The following EVC variants were observed in gnomAD, a reference collection of about 807,000 sequenced individuals.
EVC encodes the protein EvC ciliary complex subunit 1, also known as evC complex member EVC.
A neutral mutation model predicts 118.9 loss-of-function variants in EVC; 116 were observed. The ratio of observed to expected loss-of-function variants is 0.98; its 90% CI spans 0.84 to 1.14. The LOEUF (loss-of-function observed/expected upper bound fraction) is 1.14, where lower values mean the gene tolerates loss of function less well. Among genes scored for constraint, EVC ranks in the 50% most tolerant of loss-of-function variants. EVC has a pLI of 0.00. For synonymous variants in EVC, 619 were observed against 534.7 expected (o/e 1.16, Z -2.18); for missense variants, 1,401 against 1,246.4 (o/e 1.12, Z -1.87).
At chr4:5,735,669 G>T (rs954898070) in intron 5 of EVC, among the ~76,000 whole-genome samples, 2 of 152,184 alleles carry the variant, frequency 1.3e-5, no homozygotes, top group African/African-American at 4.8e-5. Flanking sequence ...AGGAACCTGA[G>T]GTTCAGAGAG....
At chr4:5,821,835 GTCA>G in the EVC span, 2 of 1,592,068 alleles carry the variant, frequency 1.3e-6, no homozygotes, top group Non-Finnish European at 1.7e-6. The surrounding 1 kb of genome is among the most constrained non-coding windows in gnomAD (Gnocchi z 4.4). Context: ...TGGGATTGTT[GTCA>G]TCTATCTGGG....
chr4:5,734,091 G>C (rs949849415), intron 5 of EVC, among the ~76,000 whole-genome samples: 1 of 152,174 alleles, frequency 6.6e-6, no homozygotes, highest in Non-Finnish European at 1.5e-5. Context: ...AATCAGCCAC[G>C]GACCTGAGCT....
At chr4:5,816,681 CCCTCCCT>C (rs1336796763), downstream of EVC, among the ~76,000 whole-genome samples, 15 of 144,072 alleles carry the variant, frequency 1.0e-4, no homozygotes, top group African/African-American at 3.3e-4. Flanking sequence ...TCCCTTCCCT[CCCTCCCT>C]TCCCTTCTCC....
chr4:5,802,090 G>C lies in EVC; in HGVS notation c.2445G>C (p.Leu815=), dbSNP rs1463378894. ...GAAAACTGCAGCACCTGAAGACCCTGCAGGGTACGGGACCCCCCCTCAGGG... is the reference window on the plus strand; with the variant it reads ...GAAAACTGCAGCACCTGAAGACCCTCCAGGGTACGGGACCCCCCCTCAGGG... ...EERKLQHLKT[L]QGERMENYKL... is the part of the protein sequence containing the mutation. Residue 815 remains leucine, a synonymous_variant, in exon 16 of 21, where the codon CTG becomes CTC. Transcript: ENST00000264956. 4 of 1,602,772 alleles carry C rather than the reference G, an allele frequency of 2.5e-6. No individual in the cohort carries two copies. The African/African-American group carries it at 5.4e-5, about 22-fold the overall frequency.
At chr4:5,763,629 T>C (rs1732414495) in intron 11 of EVC, among the ~76,000 whole-genome samples, 1 of 118,378 alleles carries the variant, frequency 8.4e-6, no homozygotes, top group Admixed American at 9.9e-5. Context: ...CCCTTGTAAG[T>C]AGGATTCCTA....
Position 5,813,185 on chromosome 4 carries a change from C to T in EVC, c.*2148C>T. 1 of 152,200 alleles carries T rather than the reference C, an allele frequency of 6.6e-6. No homozygotes were observed. The highest frequency in any genetic ancestry group is 1.5e-5 in the Non-Finnish European group (1 of 68,040). 9.4% of individuals were successfully genotyped at this position (152,200 alleles called of 1,614,324 possible). ...GGTTATTCCATGGAGTTGTGCAAAG[C>T]TATGGCTTCCTTGGTGCAATATTCT... On this transcript the variant is annotated 3_prime_UTR_variant, in exon 21 of 21. Transcript: ENST00000264956.
At chr4:5,774,523 GT>G (rs1734441036) in intron 11 of EVC, among the ~76,000 whole-genome samples, 1 of 152,002 alleles carries the variant, frequency 6.6e-6, no homozygotes, top group South Asian at 2.1e-4. Context: ...TGAGCCTTGA[GT>G]AGGTTAAGGA....
chr4:5,820,036 T>A, the EVC span, among the ~76,000 whole-genome samples: 73 of 152,302 alleles, frequency 4.8e-4, no homozygotes, highest in Non-Finnish European at 8.2e-4. Flanking sequence ...AGCTTTGGAC[T>A]AGGGCCCAAA....
intron 13 of EVC, among the ~76,000 whole-genome samples, chr4:5,796,386 C>A (rs1296488275): frequency 6.6e-6 from 1 of 152,080 alleles, no homozygotes; most frequent in Non-Finnish European, 1.5e-5. Flanking sequence ...TTTAAGACTT[C>A]AAATGATATG....
chr4:5,800,885 T>A (rs892810017), intron 15 of EVC, among the ~76,000 whole-genome samples: 1 of 152,192 alleles, frequency 6.6e-6, no homozygotes, highest in African/African-American at 2.4e-5. Flanking sequence ...CTCAGGTACC[T>A]TTCTCAGATG....
In EVC at chr4:5,711,295, C is replaced by T. The variant is rs1419779991; in HGVS notation, c.-86C>T. On this transcript the variant is annotated 5_prime_UTR_variant, in exon 1 of 21. Coordinates refer to ENST00000264956, the MANE Select transcript of EVC (RefSeq NM_153717.3). ...GAGCGGGCCGCGCCCCTGGCCCGCC[C>T]GGGCTCCAAGTCCCGCGTCGCCGCC... is the stretch of plus-strand genomic sequence containing the variant. 1.2e-5 allele frequency: 11 copies of T among 926,030 alleles called. No individual in the cohort carries two copies. The highest frequency in any genetic ancestry group is 1.4e-5 in the Non-Finnish European group (11 of 772,834). The allele number at this position is 926,030 out of a possible 1,614,324, so 57.4% of individuals were successfully genotyped here.
At chr4:5,790,107 G>A (rs1712478522) in intron 12 of EVC, among the ~76,000 whole-genome samples, 1 of 150,130 alleles carries the variant, frequency 6.7e-6, no homozygotes, top group Non-Finnish European at 1.5e-5. Flanking sequence ...CTTGAACTCG[G>A]GAAGCGGAGG....
chr4:5,787,411 A>G (rs1247550400), intron 12 of EVC, among the ~76,000 whole-genome samples: 1 of 152,208 alleles, frequency 6.6e-6, no homozygotes, highest in Non-Finnish European at 1.5e-5. Flanking sequence ...GGTCCTTATA[A>G]GTGAAAAAGG....
chr4:5,718,445 C>G (rs1724346828), intron 1 of EVC, among the ~76,000 whole-genome samples: 1 of 152,086 alleles, frequency 6.6e-6, no homozygotes, highest in Admixed American at 6.5e-5. Context: ...TTTCGGGAGA[C>G]TAGACAGCAC....
chr4:5,745,025 C>G (rs935250492), intron 6 of EVC, among the ~76,000 whole-genome samples, 179 bp from the exon 7 acceptor site: 1 of 146,656 alleles, frequency 6.8e-6, no homozygotes, highest in Non-Finnish European at 1.5e-5. Context: ...ATTCTTGAGG[C>G]TCTATGTTTA....
intron 11 of EVC, among the ~76,000 whole-genome samples, chr4:5,768,826 T>C (rs1236202449): frequency 3.3e-5 from 2 of 61,398 alleles, no homozygotes; most frequent in Non-Finnish European, 7.6e-5. Context: ...CACTGTACTC[T>C]AGCCTGGTGA....
chr4:5,764,909 C>G (rs1732638728), intron 11 of EVC, among the ~76,000 whole-genome samples: 1 of 139,024 alleles, frequency 7.2e-6, no homozygotes, highest in East Asian at 2.1e-4. Flanking sequence ...TCCTTCAGTT[C>G]TGCTCTGATT....
intron 13 of EVC, among the ~76,000 whole-genome samples, chr4:5,794,287 ATT>A (rs1335234955): frequency 4.3e-5 from 6 of 140,026 alleles, no homozygotes; most frequent in Admixed American, 1.5e-4. Flanking sequence ...ATTTATATAT[ATT>A]TTTATATATT....
rs73200193 is a variant in EVC, at chr4:5,789,870, G to A, written c.1777-3738G>A. The stretch of plus-strand genomic sequence containing the variant: ...GACCCCTATATACTTTAGTGGCAAT[G>A]CAGACTCACCTTTCAAAGAATCAAG... On this transcript the variant is annotated intron_variant, in intron 12 of 20. Transcript: ENST00000264956. This position sits in a 1 kb window ranked among gnomAD's most constrained non-coding sequence, Gnocchi z 4.3. Among the ~76,000 whole-genome samples the A allele has an allele frequency of 0.069, 10,530 of 152,208 alleles. 535 individuals carry two copies. The highest frequency in any genetic ancestry group is 0.13 in the South Asian group (634 of 4,820).
Sources: gnomAD v4.1 joint callset for allele counts (sites outside exome capture counted in the v4.1 genomes callset) on GRCh38, gnomAD v4.1.1 for gene constraint, Gnocchi (gnomAD v3.1) non-coding constraint, MANE v1.5 for transcripts, NCBI Gene and HGNC (gene_info 2026-07-23, HGNC 2026-07-21) for gene names.